SERPINB2: variants seen among roughly 807,000 people sequenced by gnomAD.
SERPINB2 encodes plasminogen activator inhibitor 2.
In SERPINB2, 28 loss-of-function variants were observed where a neutral mutation model predicts 39.4. The ratio of observed to expected loss-of-function variants is 0.71; its 90% CI spans 0.53 to 0.97. The LOEUF is 0.97. Among genes scored for constraint, SERPINB2 ranks in the 50% least tolerant of loss-of-function variants. SERPINB2 has a pLI of 0.00. For synonymous variants in SERPINB2, 209 were observed against 175.1 expected, an observed-to-expected ratio of 1.19 and a Z score of -1.53; for missense variants, 557 against 505.3, an observed-to-expected ratio of 1.10 and a Z score of -0.98.
In SERPINB2 at chr18:63,903,050, C is replaced by T. The variant is rs7243153; in HGVS notation, c.993C>T (p.Asp331=). 8.3e-5 allele frequency: 134 copies of T among 1,613,730 alleles called. No individual in the cohort carries two copies. The highest frequency in any genetic ancestry group is 8.0e-4 in the African/African-American group (60 of 74,974). ...TTCTGAGAAGCATGGGCATGGAGGA[C>T]GCCTTCAACAAGGGACGGGCCAATT... The part of the protein sequence containing the change: ...RSILRSMGME[D]AFNKGRANFS... The change falls in exon 8 of 8, where the codon GAC becomes GAT. Residue 331 remains aspartate, a synonymous_variant. Coordinates refer to ENST00000299502, the MANE Select transcript of SERPINB2 (RefSeq NM_002575.3).
intron 1 of SERPINB2, 118 bp from the exon 2 acceptor site, chr18:63,891,318 A>G: frequency 2.0e-6 from 2 of 1,025,626 alleles, no homozygotes; most frequent in South Asian, 3.0e-5. Context: ...TCCATGAGGA[A>G]GAACAGACAG....
Position 63,899,509 on chromosome 18 carries a change from A to G in SERPINB2, c.535+1665A>G, listed in dbSNP as rs1303410244. ...GTATTTCTAAGAAACAGAGATGATT[A>G]TGAATTCAGAATTGTGTAAGTATTT... On this transcript the variant is annotated intron_variant, in intron 5 of 7. Coordinates refer to ENST00000299502, the MANE Select transcript of SERPINB2 (RefSeq NM_002575.3). Among the ~76,000 whole-genome samples the G allele has an allele frequency of 2.6e-5, 4 of 152,324 alleles. No individual in the cohort carries two copies. The East Asian group carries it at 7.7e-4, about 29-fold the overall frequency.
chr18:63,897,314 A>C (rs2049966235), intron 4 of SERPINB2, 95 bp downstream of exon 4: 2 of 1,464,000 alleles, frequency 1.4e-6, no homozygotes, highest in African/African-American at 1.4e-5. Flanking sequence ...TCATAAAAGC[A>C]GAGTTGGAAT....
rs2049969517 is a variant in SERPINB2 at position 63,897,756 on chromosome 18, C to T, written c.447C>T (p.Tyr149=). ...EEYIRLCQKY[Y]SSEPQAVDFL... ...ATATTCGACTCTGTCAGAAATATTA[C>T]TCCTCAGAACCCCAGGCAGTAGACT... The change falls in exon 5 of 8, where the codon TAC becomes TAT. Residue 149 remains tyrosine (Y), a synonymous_variant. Coordinates refer to ENST00000299502, the MANE Select transcript of SERPINB2 (RefSeq NM_002575.3). 6.2e-7 allele frequency: 1 copy of T among 1,611,580 alleles called. No homozygotes were observed. Among genetic ancestry groups the T allele is most frequent in the Non-Finnish European group, 8.5e-7 (1 of 1,178,070 alleles).
At chr18:63,891,892 T>A (rs2049929058) in intron 2 of SERPINB2, among the ~76,000 whole-genome samples, 2 of 152,124 alleles carry the variant, frequency 1.3e-5, no homozygotes, top group African/African-American at 4.8e-5. Context: ...TTTAATAATA[T>A]AATATTCTTA....
intron 1 of SERPINB2, chr18:63,890,082 A>G (rs2049916061): frequency 6.6e-6 from 1 of 152,280 alleles, no homozygotes; most frequent in Non-Finnish European, 1.5e-5. Flanking sequence ...GCAAAGATTA[A>G]ACGAGGAGAG....
chr18:63,891,157 C>T (rs546342531), intron 1 of SERPINB2, among the ~76,000 whole-genome samples: 1 of 152,234 alleles, frequency 6.6e-6, no homozygotes, highest in South Asian at 2.1e-4. Context: ...TAATTTACAG[C>T]GTCTGGTGCA....
At chr18:63,894,582 G>C (rs946770485) in intron 2 of SERPINB2, among the ~76,000 whole-genome samples, 1 of 152,122 alleles carries the variant, frequency 6.6e-6, no homozygotes, top group African/African-American at 2.4e-5. Flanking sequence ...AGACCAAGGC[G>C]GGCAGGCAGC....
Position 63,902,440 on chromosome 18 carries a change from G to T in SERPINB2, c.715G>T (p.Glu239Ter). Reference protein sequence around the residue: ...RTPVQMMYLREKLNIGYIEDL... With the variant: ...RTPVQMMYLR ...ACCTGTACAGATGATGTACTTGCGTGAAAAGCTAAACATTGGATACATAGA... is the reference window on the plus strand; with the variant it reads ...ACCTGTACAGATGATGTACTTGCGTTAAAAGCTAAACATTGGATACATAGA... Residue 239 changes from glutamate (E) to a stop codon, truncating the protein, a stop_gained, in exon 7 of 8, where the codon GAA becomes TAA. Transcript: ENST00000299502. LOFTEE classifies it high-confidence loss of function. 1 of 1,613,290 alleles carries T rather than the reference G, an allele frequency of 6.2e-7. No homozygotes were observed. Among genetic ancestry groups the T allele is most frequent in the Non-Finnish European group, 8.5e-7 (1 of 1,179,552 alleles).
chr18:63,889,989 C>G (rs1189819959), intron 1 of SERPINB2: 1 of 151,982 alleles, frequency 6.6e-6, no homozygotes, highest in African/African-American at 2.4e-5. Flanking sequence ...GCTGTGTGAC[C>G]TTATACAAGT....
intron 2 of SERPINB2, among the ~76,000 whole-genome samples, chr18:63,894,955 T>C (rs2049949637): frequency 1.3e-5 from 2 of 152,166 alleles, no homozygotes. Flanking sequence ...AGACCATTTA[T>C]TGGTTGGATA....
Position 63,897,831 on chromosome 18 carries a change from G to A in SERPINB2, c.522G>A (p.Lys174=). The change falls in exon 5 of 8, where the codon AAG becomes AAA. Residue 174 remains lysine (K), a synonymous_variant. Transcript: ENST00000299502. ...EARKKINSWV[K]TQTKGKIPNL... ...GAAAAAAGATTAATTCCTGGGTCAA[G>A]ACTCAAACCAAAGGTAAATCCAAGA... 2.5e-6 allele frequency: 4 copies of A among 1,592,696 alleles called. No individual in the cohort carries two copies. The highest frequency in any genetic ancestry group is 3.4e-6 in the Non-Finnish European group (4 of 1,163,732).
Position 63,903,261 on chromosome 18 carries a change from A to G in SERPINB2, c.1204A>G (p.Ile402Val), listed in dbSNP as rs761899611. 2.2e-5 allele frequency: 35 copies of G among 1,569,980 alleles called. No homozygotes were observed. In the African/African-American group the frequency reaches 4.7e-4, roughly 21 times the overall value. Reference protein sequence around the residue: ...HPFLFLIMHKITNCILFFGRF... With the variant: ...HPFLFLIMHKVTNCILFFGRF... ...TTTTCTTTTTCTTATTATGCATAAG[A>G]TAACCAACTGCATTTTATTTTTCGG... The change falls in exon 8 of 8, where the codon ATA becomes GTA. Residue 402 changes from isoleucine (I) to valine (V), a missense_variant. By Grantham distance (29) the Ile-to-Val change is conservative (BLOSUM62 3). Transcript: ENST00000299502.
intron 2 of SERPINB2, among the ~76,000 whole-genome samples, chr18:63,893,909 A>C (rs1183269832): frequency 6.6e-6 from 1 of 152,206 alleles, no homozygotes; most frequent in Non-Finnish European, 1.5e-5. Context: ...GAGGCCACAC[A>C]GTTGAGAATT....
At chr18:63,888,319 A>C (rs1418717094) in intron 1 of SERPINB2, among the ~76,000 whole-genome samples, 1 of 152,238 alleles carries the variant, frequency 6.6e-6, no homozygotes, top group Non-Finnish European at 1.5e-5. Context: ...ATTTAGTGAA[A>C]GAGAATAATC....
chr18:63,903,246 C>G lies in SERPINB2; in HGVS notation c.1189C>G (p.Leu397Val). The G allele has an allele frequency of 6.3e-7, 1 of 1,593,116 alleles. No individual in the cohort carries two copies. Among genetic ancestry groups the G allele is most frequent in the Middle Eastern group, 1.7e-4 (1 of 5,914 alleles). Residue 397 changes from leucine (L) to valine (V), a missense_variant, in exon 8 of 8, where the codon CTT becomes GTT. Physicochemically the swap from Leu to Val is conservative, Grantham distance 32. Coordinates refer to ENST00000299502, the MANE Select transcript of SERPINB2 (RefSeq NM_002575.3). ...TGTGGCAGATCATCCTTTTCTTTTTCTTATTATGCATAAGATAACCAACTG... is the reference window on the plus strand; with the variant it reads ...TGTGGCAGATCATCCTTTTCTTTTTGTTATTATGCATAAGATAACCAACTG... Reference protein sequence around the residue: ...QFVADHPFLFLIMHKITNCIL... With the variant: ...QFVADHPFLFVIMHKITNCIL...
At chr18:63,891,089 C>T (rs1394622096) in intron 1 of SERPINB2, among the ~76,000 whole-genome samples, 1 of 152,090 alleles carries the variant, frequency 6.6e-6, no homozygotes, top group Non-Finnish European at 1.5e-5. Flanking sequence ...CTATGGAATG[C>T]CACAAAGTGT....
chr18:63,891,605 T>C lies in SERPINB2; in HGVS notation c.161T>C (p.Met54Thr). Residue 54 changes from methionine (M) to threonine (T), a missense_variant, in exon 2 of 8, where the codon ATG (methionine) becomes ACG (threonine). Coordinates refer to ENST00000299502, the MANE Select transcript of SERPINB2 (RefSeq NM_002575.3). ...MGSRGSTEDQ[M>T]AKVLQFNEVG... Reference sequence around the variant, plus strand: ...TCCAGGGGCAGCACCGAAGACCAGATGGCCAAGGTGAGTTTGAGCTGAAGC... The same window carrying C: ...TCCAGGGGCAGCACCGAAGACCAGACGGCCAAGGTGAGTTTGAGCTGAAGC... 6.2e-7 allele frequency: 1 copy of C among 1,613,092 alleles called. No homozygotes were observed. The highest frequency in any genetic ancestry group is 8.5e-7 in the Non-Finnish European group (1 of 1,179,374).
chr18:63,898,838 C>G (rs1406996903), intron 5 of SERPINB2, among the ~76,000 whole-genome samples: 2 of 152,062 alleles, frequency 1.3e-5, no homozygotes, highest in Non-Finnish European at 2.9e-5. Flanking sequence ...TGCAAAGGTC[C>G]AGAGGTAACC....
Sources: gnomAD v4.1 joint callset for allele counts (sites outside exome capture counted in the v4.1 genomes callset) on GRCh38, gnomAD v4.1.1 for gene constraint, MANE v1.5 for transcripts, NCBI Gene and HGNC (gene_info 2026-07-23, HGNC 2026-07-21) for gene names.